Variants in SPMIP2 observed in about 807,000 individuals in gnomAD.
SPMIP2 encodes sperm microtubule inner protein 2, also known as protein SPMIP2.
the SPMIP2 span, among the ~76,000 whole-genome samples, chr4:158,900,114 T>C: frequency 6.6e-6 from 1 of 152,270 alleles, no homozygotes. Context: ...CCAGTAGTCA[T>C]TCAGGAGCAG....
chr4:159,061,141 C>T, the SPMIP2 span, among the ~76,000 whole-genome samples: 1 of 149,754 alleles, frequency 6.7e-6, no homozygotes. Flanking sequence ...TAGCTGAATA[C>T]TGACTATGGT....
At chr4:159,020,921 C>T in the SPMIP2 span, among the ~76,000 whole-genome samples, 1 of 152,206 alleles carries the variant, frequency 6.6e-6, no homozygotes, top group East Asian at 1.9e-4. Flanking sequence ...ACCACCACGC[C>T]CGGCTAATTT....
At chr4:158,955,199 C>T in the SPMIP2 span, among the ~76,000 whole-genome samples, 1 of 152,154 alleles carries the variant, frequency 6.6e-6, no homozygotes, top group Admixed American at 6.6e-5. Flanking sequence ...CCAATAACTG[C>T]ACTGTCTCTC....
At chr4:158,973,157 G>A in the SPMIP2 span, 1,568 of 1,612,652 alleles carry the variant, frequency 9.7e-4, 2 homozygotes, top group Non-Finnish European at 1.2e-3. Context: ...TTTCACTGAC[G>A]TACTCATGTT....
the SPMIP2 span, among the ~76,000 whole-genome samples, chr4:158,944,380 G>A: frequency 6.6e-6 from 1 of 151,884 alleles, no homozygotes; most frequent in Non-Finnish European, 1.5e-5. Context: ...CTTATTTCAC[G>A]GTGAACCTCA....
chr4:158,940,499 C>T, the SPMIP2 span, among the ~76,000 whole-genome samples: 1 of 151,088 alleles, frequency 6.6e-6, no homozygotes, highest in Non-Finnish European at 1.5e-5. Flanking sequence ...TTTTCAGTCC[C>T]TAGATTCATT....
At chr4:158,974,923 C>T in the SPMIP2 span, among the ~76,000 whole-genome samples, 9 of 152,184 alleles carry the variant, frequency 5.9e-5, no homozygotes, top group Non-Finnish European at 1.2e-4. Context: ...ACACTCCCAT[C>T]AACAGTATAA....
the SPMIP2 span, among the ~76,000 whole-genome samples, chr4:158,935,709 C>G: frequency 6.6e-6 from 1 of 152,226 alleles, no homozygotes; most frequent in African/African-American, 2.4e-5. Flanking sequence ...GACCAAGATT[C>G]TCCTAGCGGC....
the SPMIP2 span, chr4:159,007,084 A>G: frequency 6.9e-6 from 4 of 576,078 alleles, no homozygotes; most frequent in South Asian, 4.2e-5. Flanking sequence ...GCATACGGTA[A>G]TTAGGAGGCC....
the SPMIP2 span, among the ~76,000 whole-genome samples, chr4:158,911,496 G>T: frequency 6.6e-6 from 1 of 152,124 alleles, no homozygotes; most frequent in African/African-American, 2.4e-5. Context: ...TGAACCACAT[G>T]TACTTCCCCA....
chr4:159,056,654 G>A, the SPMIP2 span, among the ~76,000 whole-genome samples: 1 of 152,204 alleles, frequency 6.6e-6, no homozygotes, highest in Non-Finnish European at 1.5e-5. Flanking sequence ...GTTTGTTTTA[G>A]TAGGAGAGAT....
the SPMIP2 span, among the ~76,000 whole-genome samples, chr4:158,977,205 C>T: frequency 3.9e-5 from 6 of 152,220 alleles, no homozygotes; most frequent in Middle Eastern, 3.4e-3. Context: ...TGGTAGAATT[C>T]GGCTGTGAAT....
the SPMIP2 span, chr4:158,895,785 G>A: frequency 1.2e-6 from 2 of 1,613,002 alleles, no homozygotes; most frequent in Non-Finnish European, 1.7e-6. Context: ...TACAGGAGAT[G>A]TACCTTAAAA....
the SPMIP2 span, chr4:158,973,457 A>G: frequency 1.2e-5 from 5 of 427,104 alleles, no homozygotes; most frequent in Non-Finnish European, 1.2e-5. Context: ...AGACATGTTA[A>G]TTCTTATTAA....
the SPMIP2 span, among the ~76,000 whole-genome samples, chr4:159,043,550 T>C: frequency 6.6e-6 from 1 of 152,178 alleles, no homozygotes; most frequent in Non-Finnish European, 1.5e-5. Flanking sequence ...GGTTTCACTG[T>C]GTTAGCCAGG....
the SPMIP2 span, among the ~76,000 whole-genome samples, chr4:159,004,951 G>A: frequency 6.6e-6 from 1 of 151,846 alleles, no homozygotes; most frequent in African/African-American, 2.4e-5. Flanking sequence ...AAAAACCATC[G>A]GCCAGACACG....
At chr4:159,038,136 T>G in the SPMIP2 span, among the ~76,000 whole-genome samples, 1 of 152,232 alleles carries the variant, frequency 6.6e-6, no homozygotes, top group South Asian at 2.1e-4. Flanking sequence ...TTATATTTTT[T>G]GCAGACATCT....
chr4:158,893,790 T>G, the SPMIP2 span: 1 of 997,534 alleles, frequency 1.0e-6, no homozygotes, highest in Non-Finnish European at 1.5e-6. Flanking sequence ...TATATTTCAT[T>G]CTATAATACA....
the SPMIP2 span, among the ~76,000 whole-genome samples, chr4:158,997,926 G>A: frequency 6.6e-6 from 1 of 152,060 alleles, no homozygotes; most frequent in East Asian, 1.9e-4. Flanking sequence ...CAAAGTGCTG[G>A]GATTACTGAC....
Sources: allele counts gnomAD v4.1 joint callset (sites outside exome capture counted in the v4.1 genomes callset), GRCh38; gene constraint gnomAD v4.1.1; transcripts MANE v1.5; gene names NCBI Gene and HGNC (gene_info 2026-07-23, HGNC 2026-07-21).